RANBP2: variants seen among roughly 807,000 people sequenced by gnomAD.
The protein encoded by RANBP2 is E3 SUMO-protein ligase RanBP2.
Under a neutral mutation model 303.6 loss-of-function variants are expected in RANBP2, and 57 were observed. The observed-to-expected ratio is 0.19, with a 90% CI of 0.15 to 0.23. RANBP2 has a LOEUF of 0.23. Ranked by LOEUF, RANBP2 falls within the 10% of genes least tolerant of loss-of-function variation. RANBP2 has a pLI of 1.00. For synonymous variants in RANBP2, 1,167 were observed against 1,301.5 expected (o/e 0.90, Z 2.23); for missense variants, 3,138 against 3,780.8 (o/e 0.83, Z 4.46).
chr2:108,894,960 C>T, the RANBP2 span: 1 of 152,232 alleles, frequency 6.6e-6, no homozygotes, highest in African/African-American at 2.4e-5. Context: ...AAGCTGTTAT[C>T]CTGGAATGGC....
chr2:109,300,463 A>G, the RANBP2 span, among the ~76,000 whole-genome samples: 1 of 152,190 alleles, frequency 6.6e-6, no homozygotes, highest in African/African-American at 2.4e-5. Context: ...TATAGGTGTG[A>G]GCCACTGCGC....
At chr2:109,105,057 G>C in the RANBP2 span, among the ~76,000 whole-genome samples, 2 of 152,208 alleles carry the variant, frequency 1.3e-5, no homozygotes, top group African/African-American at 4.8e-5. Context: ...TGACCATAAG[G>C]TGATGGTCAG....
the RANBP2 span, among the ~76,000 whole-genome samples, chr2:109,450,986 G>A: frequency 4.6e-5 from 7 of 152,308 alleles, no homozygotes; most frequent in African/African-American, 1.2e-4. Flanking sequence ...CTGACTCGGC[G>A]GGCTCTCTGC....
At chr2:108,720,694 G>C (rs1694164404) in intron 1 of RANBP2, among the ~76,000 whole-genome samples, 1 of 152,310 alleles carries the variant, frequency 6.6e-6, no homozygotes, top group South Asian at 2.1e-4. Context: ...AACATTTAGG[G>C]TATTGCTTGA....
At chr2:109,207,470 A>C in the RANBP2 span, among the ~76,000 whole-genome samples, 1 of 152,202 alleles carries the variant, frequency 6.6e-6, no homozygotes, top group Admixed American at 6.5e-5. Context: ...TTATATATGT[A>C]ATAATGTTAT....
the RANBP2 span, among the ~76,000 whole-genome samples, chr2:108,936,554 G>A: frequency 6.6e-6 from 1 of 152,124 alleles, no homozygotes; most frequent in Non-Finnish European, 1.5e-5. Context: ...AGACCCAAGG[G>A]GAGGCTGCTG....
At chr2:108,791,385 T>C in the RANBP2 span, among the ~76,000 whole-genome samples, 4 of 152,180 alleles carry the variant, frequency 2.6e-5, no homozygotes, top group African/African-American at 9.7e-5. Flanking sequence ...AACAGATTAT[T>C]GGGAGTCAAA....
At chr2:109,356,270 G>A in the RANBP2 span, among the ~76,000 whole-genome samples, 2 of 151,964 alleles carry the variant, frequency 1.3e-5, no homozygotes, top group South Asian at 2.1e-4. Context: ...AGATCCCACC[G>A]CCCTCCTGAG....
the RANBP2 span, among the ~76,000 whole-genome samples, chr2:109,627,568 T>C: frequency 1.3e-5 from 2 of 152,166 alleles, no homozygotes; most frequent in African/African-American, 4.8e-5. Context: ...ATAATGATGA[T>C]TTTTCATAAA....
At chr2:108,791,158 GCTA>G in the RANBP2 span, among the ~76,000 whole-genome samples, 2 of 151,890 alleles carry the variant, frequency 1.3e-5, no homozygotes, top group South Asian at 4.2e-4. Context: ...TTTTTAACGT[GCTA>G]CTAGAAAATT....
chr2:108,838,041 G>A, the RANBP2 span, among the ~76,000 whole-genome samples: 1 of 152,026 alleles, frequency 6.6e-6, no homozygotes, highest in African/African-American at 2.4e-5. Flanking sequence ...TGCAGGGCAG[G>A]GTGAATAAAT....
At chr2:108,791,889 C>A in the RANBP2 span, 1 of 1,301,276 alleles carries the variant, frequency 7.7e-7, no homozygotes, top group Non-Finnish European at 1.0e-6. Flanking sequence ...ATAACACTGG[C>A]CCCCAAGAGT....
the RANBP2 span, among the ~76,000 whole-genome samples, chr2:109,240,805 C>A: frequency 6.6e-6 from 1 of 152,038 alleles, no homozygotes; most frequent in Non-Finnish European, 1.5e-5. Context: ...TTTCTCTTCT[C>A]TTCTAAGGTT....
the RANBP2 span, chr2:109,371,675 C>T: frequency 3.3e-5 from 54 of 1,613,606 alleles, no homozygotes; most frequent in African/African-American, 5.9e-4. Flanking sequence ...CGCTCCTGTA[C>T]GTGGAGGTAA....
chr2:109,507,538 C>T, the RANBP2 span, among the ~76,000 whole-genome samples: 1 of 152,182 alleles, frequency 6.6e-6, no homozygotes, highest in African/African-American at 2.4e-5. Context: ...CCTCCAGCAC[C>T]AGAAGCAGTG....
chr2:109,195,076 T>G, the RANBP2 span, among the ~76,000 whole-genome samples: 1 of 152,172 alleles, frequency 6.6e-6, no homozygotes, highest in Non-Finnish European at 1.5e-5. Flanking sequence ...ATACCCTGGT[T>G]CTTTGACTGA....
At chr2:109,429,591 G>A in the RANBP2 span, among the ~76,000 whole-genome samples, 4 of 151,872 alleles carry the variant, frequency 2.6e-5, no homozygotes, top group South Asian at 2.1e-4. Flanking sequence ...CAGCCTCCCC[G>A]GGCCACACCT....
At chr2:109,052,865 G>A in the RANBP2 span, among the ~76,000 whole-genome samples, 2 of 152,132 alleles carry the variant, frequency 1.3e-5, no homozygotes, top group African/African-American at 4.8e-5. Context: ...GGGGTGTATT[G>A]GTCAAAGCTA....
At chr2:109,164,917 A>G in the RANBP2 span, among the ~76,000 whole-genome samples, 1,220 of 152,240 alleles carry the variant, frequency 8.0e-3, 12 homozygotes, top group East Asian at 0.04. Context: ...TGACACTACA[A>G]CTGGACCATT....
Sources: allele counts gnomAD v4.1 joint callset (sites outside exome capture counted in the v4.1 genomes callset), GRCh38; gene constraint gnomAD v4.1.1; transcripts MANE v1.5; gene names NCBI Gene and HGNC (gene_info 2026-07-23, HGNC 2026-07-21).